PCCA: variants seen among roughly 807,000 people sequenced by gnomAD.
The protein encoded by PCCA is propionyl-CoA carboxylase alpha chain, mitochondrial.
PCCA carries 74 observed loss-of-function variants against 101.3 expected under a neutral mutation model. That is an observed-to-expected ratio of 0.73 (90% confidence interval 0.61 to 0.89). PCCA has a LOEUF of 0.89. PCCA is among the 40% of genes least tolerant of loss of function. The probability of loss-of-function intolerance (pLI) is 0.00; values close to 1 mark genes in which losing one functional copy is unlikely to be tolerated. For missense variants in PCCA, 891 were observed against 907.0 expected, an observed-to-expected ratio of 0.98 and a Z score of 0.23; for synonymous variants, 294 against 313.6, an observed-to-expected ratio of 0.94 and a Z score of 0.66.
At chr13:100,467,891 A>G (rs2082661571) in intron 21 of PCCA, among the ~76,000 whole-genome samples, 1 of 152,210 alleles carries the variant, frequency 6.6e-6, no homozygotes, top group African/African-American at 2.4e-5. Flanking sequence ...AGTGGTGAAG[A>G]AGGTTTTCAA....
chr13:100,499,909 C>T (rs896773962), intron 21 of PCCA, among the ~76,000 whole-genome samples: 2 of 151,948 alleles, frequency 1.3e-5, no homozygotes, highest in Admixed American at 1.3e-4. Context: ...TTATTGGCCA[C>T]AGTTTTGAAG....
chr13:100,452,063 CTCCTCT>C (rs370048541), intron 21 of PCCA, among the ~76,000 whole-genome samples: 1,552 of 105,288 alleles, frequency 0.015, 98 homozygotes, highest in African/African-American at 0.06. Flanking sequence ...TCTCCTCTTC[CTCCTCT>C]CCCTCTCTCC....
chr13:100,193,815 C>T (rs996891242), intron 6 of PCCA, among the ~76,000 whole-genome samples: 11 of 152,164 alleles, frequency 7.2e-5, no homozygotes, highest in African/African-American at 2.4e-4. Flanking sequence ...TGCGGTGGCT[C>T]ATGCCTGTAA....
chr13:100,264,030 TATATATACGGTATCTGTATATC>T (rs2062738626), intron 10 of PCCA, among the ~76,000 whole-genome samples: 2 of 148,742 alleles, frequency 1.3e-5, no homozygotes, highest in Non-Finnish European at 3.0e-5. Context: ...CTGTATATCG[TATATATACGGTATCTGTATATC>T]GTATATATAC....
chr13:100,487,168 G>A (rs1351713593), intron 21 of PCCA, among the ~76,000 whole-genome samples: 3 of 152,132 alleles, frequency 2.0e-5, no homozygotes, highest in Non-Finnish European at 4.4e-5. Context: ...AGACATAGAG[G>A]CCTCAGCAGT....
chr13:100,446,277 A>G (rs2080826982), intron 20 of PCCA, among the ~76,000 whole-genome samples: 1 of 151,674 alleles, frequency 6.6e-6, no homozygotes. Context: ...TGATCCACCC[A>G]CCTTAGCCTC....
intron 21 of PCCA, among the ~76,000 whole-genome samples, chr13:100,492,453 A>G (rs754095394): frequency 3.3e-5 from 5 of 151,868 alleles, no homozygotes; most frequent in Non-Finnish European, 7.4e-5. Flanking sequence ...CTCTCTAAGC[A>G]GTAAGAGACA....
At chr13:100,437,535 A>G (rs1322045827) in intron 20 of PCCA, among the ~76,000 whole-genome samples, 1 of 123,802 alleles carries the variant, frequency 8.1e-6, no homozygotes, top group Non-Finnish European at 1.6e-5. Context: ...TTATTTGTTT[A>G]TTTGTTTTTT....
intron 19 of PCCA, among the ~76,000 whole-genome samples, chr13:100,375,233 T>G (rs1461228795): frequency 6.6e-6 from 1 of 152,192 alleles, no homozygotes; most frequent in East Asian, 1.9e-4. Flanking sequence ...TCTGAGAGAC[T>G]GTTTGTTACG....
chr13:100,177,766 A>T (rs543602848), intron 6 of PCCA, among the ~76,000 whole-genome samples: 8 of 152,368 alleles, frequency 5.3e-5, no homozygotes, highest in African/African-American at 1.7e-4. Flanking sequence ...GTCTTCAAAC[A>T]TTCTCAGAAC....
chr13:100,113,580 CTTTTT>C (rs142922710), intron 4 of PCCA, among the ~76,000 whole-genome samples: 1 of 134,678 alleles, frequency 7.4e-6, no homozygotes, highest in Non-Finnish European at 1.6e-5. Context: ...TTGACTCTTT[CTTTTT>C]TTTTTTTTTT....
intron 6 of PCCA, among the ~76,000 whole-genome samples, chr13:100,202,249 AC>A (rs918856310): frequency 6.6e-5 from 10 of 151,538 alleles, no homozygotes; most frequent in African/African-American, 1.9e-4. Flanking sequence ...TGGGAGGATC[AC>A]TTGAGCCCAG....
intron 21 of PCCA, among the ~76,000 whole-genome samples, chr13:100,458,504 G>A (rs1381135378): frequency 5.4e-5 from 8 of 147,836 alleles, no homozygotes; most frequent in Non-Finnish European, 1.0e-4. Flanking sequence ...GTATGGTGAC[G>A]CCCACCTATA....
chr13:100,401,044 C>CT (rs1369190601), intron 19 of PCCA, among the ~76,000 whole-genome samples: 1 of 152,028 alleles, frequency 6.6e-6, no homozygotes, highest in African/African-American at 2.4e-5. Context: ...TGATCTTTGA[C>CT]TAAGGAGAGG....
chr13:100,483,843 CT>C (rs1235838479), intron 21 of PCCA, among the ~76,000 whole-genome samples: 2 of 152,162 alleles, frequency 1.3e-5, no homozygotes, highest in African/African-American at 2.4e-5. Context: ...TGCACATCCT[CT>C]TGTGTGTGAT....
chr13:100,423,846 C>T (rs770346778), intron 19 of PCCA, among the ~76,000 whole-genome samples: 7 of 152,192 alleles, frequency 4.6e-5, no homozygotes, highest in Admixed American at 2.0e-4. Flanking sequence ...AGATCTGCCT[C>T]GCGGCGCTGG....
At chr13:100,151,146 AT>A in intron 4 of PCCA, 1 of 951,522 alleles carries the variant, frequency 1.1e-6, no homozygotes. Context: ...AGTTTAATTT[AT>A]TTTTTAAAAG....
intron 21 of PCCA, among the ~76,000 whole-genome samples, chr13:100,457,592 G>A (rs1282148621): frequency 6.6e-6 from 1 of 152,220 alleles, no homozygotes; most frequent in Non-Finnish European, 1.5e-5. Flanking sequence ...TAGGAGAGGA[G>A]CTCTGAGTTT....
intron 21 of PCCA, among the ~76,000 whole-genome samples, chr13:100,468,070 C>CGGAGA (rs2082678651): frequency 6.6e-6 from 1 of 152,204 alleles, no homozygotes; most frequent in Non-Finnish European, 1.5e-5. Flanking sequence ...TTGTATATCT[C>CGGAGA]CGTCAGAGCT....
Sources: allele counts gnomAD v4.1 joint callset (sites outside exome capture counted in the v4.1 genomes callset), GRCh38; gene constraint gnomAD v4.1.1; transcripts MANE v1.5; gene names NCBI Gene and HGNC (gene_info 2026-07-23, HGNC 2026-07-21).